The following GRIP1 variants were observed in gnomAD, a reference collection of about 807,000 sequenced individuals.
GRIP1 encodes glutamate receptor-interacting protein 1.
A neutral mutation model predicts 129.9 loss-of-function variants in GRIP1; 45 were observed. The observed-to-expected ratio is 0.35, with a 90% CI of 0.27 to 0.44. GRIP1 has a LOEUF of 0.44. Among genes scored for constraint, GRIP1 ranks in the 20% least tolerant of loss-of-function variants. The pLI is 1.00. For missense variants in GRIP1, 1,196 were observed against 1,396.8 expected, an observed-to-expected ratio of 0.86 and a Z score of 2.29; for synonymous variants, 530 against 520.8, an observed-to-expected ratio of 1.02 and a Z score of -0.24.
At chr12:66,742,898 A>T (rs1361649990) in intron 1 of GRIP1, among the ~76,000 whole-genome samples, 4 of 152,182 alleles carry the variant, frequency 2.6e-5, no homozygotes, top group Non-Finnish European at 5.9e-5. Context: ...AAAATAGTCA[A>T]TGTAAGAATT....
intron 1 of GRIP1, among the ~76,000 whole-genome samples, chr12:66,891,144 G>A (rs2040651143): frequency 6.6e-6 from 1 of 152,184 alleles, no homozygotes; most frequent in Non-Finnish European, 1.5e-5. Flanking sequence ...GCAAGGTAAA[G>A]CTTTTATATT....
intron 1 of GRIP1, among the ~76,000 whole-genome samples, chr12:67,028,578 T>G (rs2042973231): frequency 6.6e-6 from 1 of 152,236 alleles, no homozygotes; most frequent in African/African-American, 2.4e-5. Context: ...CGTTTATGAA[T>G]AGTTTTAAGA....
At chr12:66,828,807 T>C (rs1436299124) in intron 1 of GRIP1, among the ~76,000 whole-genome samples, 1 of 152,180 alleles carries the variant, frequency 6.6e-6, no homozygotes, top group African/African-American at 2.4e-5. Flanking sequence ...TTATCTTTCA[T>C]TTGCTTGATG....
intron 1 of GRIP1, among the ~76,000 whole-genome samples, chr12:66,885,627 C>A (rs1053358927): frequency 6.6e-6 from 1 of 152,138 alleles, no homozygotes; most frequent in Admixed American, 6.5e-5. Context: ...AGGGCAGGGG[C>A]TCGTGCCTGA....
intron 1 of GRIP1, among the ~76,000 whole-genome samples, chr12:66,929,942 C>T (rs1361248647): frequency 6.6e-6 from 1 of 152,028 alleles, no homozygotes; most frequent in Non-Finnish European, 1.5e-5. Context: ...CAATTCTGTT[C>T]CTTAAACACT....
intron 1 of GRIP1, among the ~76,000 whole-genome samples, chr12:66,901,469 C>T (rs2040843058): frequency 6.6e-6 from 1 of 152,170 alleles, no homozygotes; most frequent in Admixed American, 6.5e-5. Flanking sequence ...TGAGACCCTC[C>T]AAATAGAAAA....
At chr12:66,915,541 G>A (rs1258262754) in intron 1 of GRIP1, among the ~76,000 whole-genome samples, 2 of 152,206 alleles carry the variant, frequency 1.3e-5, no homozygotes, top group Non-Finnish European at 2.9e-5. Context: ...TCAGACGTGG[G>A]TGGGAATCAA....
chr12:66,482,473 C>G (rs969133318), intron 7 of GRIP1, among the ~76,000 whole-genome samples: 1 of 152,188 alleles, frequency 6.6e-6, no homozygotes, highest in African/African-American at 2.4e-5. Context: ...TTCTGCATCA[C>G]AGAAGGGAAT....
At chr12:66,707,503 T>TTA (rs1555228494) in intron 1 of GRIP1, among the ~76,000 whole-genome samples, 1 of 64,040 alleles carries the variant, frequency 1.6e-5, no homozygotes, top group Non-Finnish European at 3.0e-5. Context: ...AATCACTGAC[T>TTA]AAAAAAAAAA....
intron 23 of GRIP1, among the ~76,000 whole-genome samples, chr12:66,363,223 A>ATATATATATATATATATATT (rs2054910212): frequency 7.4e-6 from 1 of 134,830 alleles, no homozygotes; most frequent in Non-Finnish European, 1.6e-5. Context: ...ATATATATAT[A>ATATATATATATATATATATT]TATATAAAGT....
intron 1 of GRIP1, among the ~76,000 whole-genome samples, chr12:66,917,937 G>A (rs1490021636): frequency 4.0e-5 from 6 of 148,744 alleles, no homozygotes; most frequent in Non-Finnish European, 8.9e-5. Flanking sequence ...GAACCAATAA[G>A]AGATGTATAA....
At chr12:67,030,576 T>C (rs1000979747) in intron 1 of GRIP1, among the ~76,000 whole-genome samples, 1 of 152,196 alleles carries the variant, frequency 6.6e-6, no homozygotes, top group Non-Finnish European at 1.5e-5. Context: ...TGTTCCACTA[T>C]TTCCCATACT....
chr12:66,840,885 GCTA>G (rs1393695065), intron 1 of GRIP1, among the ~76,000 whole-genome samples: 1 of 152,110 alleles, frequency 6.6e-6, no homozygotes, highest in Non-Finnish European at 1.5e-5. Context: ...AGGTCACTCA[GCTA>G]CTATTTTCTA....
chr12:66,957,812 CCTCTTTCCATACTCTA>C (rs991040699), intron 1 of GRIP1, among the ~76,000 whole-genome samples: 6 of 152,110 alleles, frequency 3.9e-5, no homozygotes, highest in Non-Finnish European at 7.4e-5. Flanking sequence ...TTATTTTTCT[CCTCTTTCCATACTCTA>C]CTCTTTGGAA....
intron 7 of GRIP1, among the ~76,000 whole-genome samples, chr12:66,473,346 A>G (rs1296660944): frequency 1.3e-5 from 2 of 152,092 alleles, no homozygotes; most frequent in Non-Finnish European, 2.9e-5. Flanking sequence ...TAGAGATAAA[A>G]CTCCCATCTC....
At chr12:66,804,885 G>T (rs1355053931), upstream of GRIP1, among the ~76,000 whole-genome samples, 1 of 152,226 alleles carries the variant, frequency 6.6e-6, no homozygotes, top group South Asian at 2.1e-4. Context: ...GCTGACAGGA[G>T]TGTGCAGTAT....
chr12:66,662,509 T>C (rs1208262753), intron 1 of GRIP1, among the ~76,000 whole-genome samples: 3 of 152,170 alleles, frequency 2.0e-5, no homozygotes, highest in Non-Finnish European at 4.4e-5. Flanking sequence ...CTTGTGCCTA[T>C]TATAAAACTT....
At chr12:66,406,896 A>C (rs564014628) in intron 15 of GRIP1, among the ~76,000 whole-genome samples, 2 of 152,278 alleles carry the variant, frequency 1.3e-5, no homozygotes, top group South Asian at 4.2e-4. Context: ...TGCATCTGGA[A>C]ACTCACTATG....
At chr12:66,732,342 A>G (rs2036465251) in intron 1 of GRIP1, among the ~76,000 whole-genome samples, 1 of 152,184 alleles carries the variant, frequency 6.6e-6, no homozygotes, top group African/African-American at 2.4e-5. Flanking sequence ...ACTTAAGGAC[A>G]GGAGTTCAAG....
Sources: gnomAD v4.1 joint callset for allele counts (sites outside exome capture counted in the v4.1 genomes callset) on GRCh38, gnomAD v4.1.1 for gene constraint, MANE v1.5 for transcripts, NCBI Gene and HGNC (gene_info 2026-07-23, HGNC 2026-07-21) for gene names.